Variants in RERE observed in about 807,000 individuals in gnomAD.
RERE encodes the protein arginine-glutamic acid dipeptide repeats protein.
In RERE, 40 loss-of-function variants were observed where a neutral mutation model predicts 146.1. The ratio of observed to expected loss-of-function variants is 0.27; its 90% CI spans 0.21 to 0.36. RERE has a LOEUF of 0.36. Among genes scored for constraint, RERE ranks in the 10% least tolerant of loss-of-function variants. The pLI, the probability that RERE is intolerant of heterozygous loss-of-function variation, is 1.00. For missense variants in RERE, 1,933 were observed against 2,138.7 expected (o/e 0.90, Z 1.90); for synonymous variants, 1,003 against 866.0 (o/e 1.16, Z -2.78).
chr1:8,361,638 G>T, intron 17 of RERE, 125 bp downstream of exon 17: 2 of 1,335,616 alleles, frequency 1.5e-6, no homozygotes, highest in Non-Finnish European at 2.1e-6. Context: ...GACCCAGCCA[G>T]TGTCAAAGGC....
At chr1:8,427,764 G>T (rs1409162073) in intron 11 of RERE, among the ~76,000 whole-genome samples, 4 of 151,836 alleles carry the variant, frequency 2.6e-5, no homozygotes, top group Admixed American at 2.6e-4. Flanking sequence ...CCTTTAGCTT[G>T]TGGTTTACCA....
At position 8,364,658 on chromosome 1, in the gene RERE, C is replaced by T. The variant is rs1284419391; in HGVS notation, c.1540+88G>A. ...ATGTCAAATCAAGTACTGTCCCTGG[C>T]AGGTTTCCAGCTGGATGCATGAAAT... On this transcript the variant is annotated intron_variant, in intron 14 of 22. Transcript: ENST00000400908. The surrounding 1 kb of genome is among the most constrained non-coding windows in gnomAD (Gnocchi z 5.1). The T allele has an allele frequency of 3.3e-6, 3 of 907,678 alleles. No individual in the cohort carries two copies. Among genetic ancestry groups the T allele is most frequent in the South Asian group, 1.3e-5 (1 of 74,112 alleles). 56.2% of individuals were successfully genotyped at this position (907,678 alleles called of 1,614,324 possible).
intron 1 of RERE, among the ~76,000 whole-genome samples, chr1:8,664,861 A>G (rs1391944867): frequency 1.3e-5 from 2 of 152,170 alleles, no homozygotes; most frequent in Non-Finnish European, 2.9e-5. Context: ...CTGAACTCCT[A>G]CAATTATTTT....
In RERE at chr1:8,624,378, A is replaced by G; in HGVS notation, c.328T>C (p.Cys110Arg). The G allele has an allele frequency of 6.2e-7, 1 of 1,607,718 alleles. No individual in the cohort carries two copies. The highest frequency in any genetic ancestry group is 8.5e-7 in the Non-Finnish European group (1 of 1,176,248). Residue 110 changes from cysteine to arginine, a missense_variant and splice_region_variant, in exon 3 of 23, where the codon TGT becomes CGT. Physicochemically the swap from Cys to Arg is radical, Grantham distance 180. Coordinates refer to ENST00000400908, the MANE Select transcript of RERE (RefSeq NM_001042681.2). The part of the protein sequence containing the change: ...EDDVVYRPGD[C>R]VYIESRRPNT... The stretch of plus-strand genomic sequence containing the variant: ...GGCCTCCGACTCTCGATATACACAC[A>G]GTCTTTAAAAGAAAAAGAAATTTTA...
At chr1:8,514,618 C>T (rs1290307397) in intron 7 of RERE, among the ~76,000 whole-genome samples, 1 of 151,980 alleles carries the variant, frequency 6.6e-6, no homozygotes, top group East Asian at 1.9e-4. Flanking sequence ...ATCCTAGCTA[C>T]TCGGGAGGCT....
intron 11 of RERE, chr1:8,465,504 C>T (rs978752166): frequency 3.5e-5 from 12 of 346,760 alleles, no homozygotes; most frequent in African/African-American, 6.4e-5. Flanking sequence ...CTGAGCAACA[C>T]GGCAAAACCC....
chr1:8,575,563 T>A (rs201637261), intron 4 of RERE, among the ~76,000 whole-genome samples: 6,693 of 83,442 alleles, frequency 0.08, 140 homozygotes, highest in East Asian at 0.13. Flanking sequence ...ATATATATAT[T>A]TTTTTTTTTT....
At chr1:8,378,458 A>T (rs922279897) in intron 12 of RERE, among the ~76,000 whole-genome samples, 4 of 152,162 alleles carry the variant, frequency 2.6e-5, no homozygotes, top group African/African-American at 9.7e-5. Flanking sequence ...GGGCCTCTCA[A>T]TGTGACTTTA....
intron 7 of RERE, among the ~76,000 whole-genome samples, chr1:8,539,000 G>C (rs1478395641): frequency 6.6e-6 from 1 of 152,182 alleles, no homozygotes; most frequent in Non-Finnish European, 1.5e-5. Flanking sequence ...CTTTTAATAA[G>C]CATTCAGCAA....
At chr1:8,715,001 A>G (rs1263122000) in intron 1 of RERE, among the ~76,000 whole-genome samples, 1 of 151,544 alleles carries the variant, frequency 6.6e-6, no homozygotes, top group Non-Finnish European at 1.5e-5. Flanking sequence ...AGCCTCCCGA[A>G]TAGCTGGGAC....
intron 4 of RERE, among the ~76,000 whole-genome samples, chr1:8,597,309 G>A (rs546757116): frequency 8.6e-5 from 13 of 151,794 alleles, no homozygotes; most frequent in Non-Finnish European, 1.8e-4. Context: ...GGCTGGTCTC[G>A]AACTCCTGAA....
At chr1:8,494,627 G>A (rs866328214) in intron 10 of RERE, among the ~76,000 whole-genome samples, 19 of 152,198 alleles carry the variant, frequency 1.2e-4, no homozygotes, top group African/African-American at 4.3e-4. Context: ...GGAGGCTGAG[G>A]TAGGAGAACG....
intron 2 of RERE, among the ~76,000 whole-genome samples, chr1:8,650,770 G>A (rs972680661): frequency 7.2e-5 from 11 of 151,960 alleles, no homozygotes; most frequent in African/African-American, 2.4e-4. Flanking sequence ...GGTGGCACGC[G>A]CCTGTAATCC....
intron 1 of RERE, among the ~76,000 whole-genome samples, chr1:8,698,709 G>A (rs757151673): frequency 1.3e-5 from 2 of 151,782 alleles, no homozygotes; most frequent in Non-Finnish European, 2.9e-5. Flanking sequence ...ACAGGGTCTC[G>A]CTATGTTGCC....
chr1:8,716,386 C>G (rs1639765717), intron 1 of RERE, among the ~76,000 whole-genome samples: 1 of 151,852 alleles, frequency 6.6e-6, no homozygotes, highest in Non-Finnish European at 1.5e-5. Flanking sequence ...TGAAGGATCA[C>G]TTGAGCCTGG....
At chr1:8,607,381 T>C (rs780821373) in intron 4 of RERE, among the ~76,000 whole-genome samples, 9 of 147,524 alleles carry the variant, frequency 6.1e-5, no homozygotes, top group Non-Finnish European at 1.0e-4. Flanking sequence ...AAAAAAAAGA[T>C]ATTCCCATCA....
intron 11 of RERE, among the ~76,000 whole-genome samples, chr1:8,452,434 G>T (rs1370833101): frequency 6.6e-6 from 1 of 152,228 alleles, no homozygotes; most frequent in Non-Finnish European, 1.5e-5. Context: ...AAGGTTGGTG[G>T]TAACTCCTGC....
chr1:8,640,277 T>C (rs547413280), intron 2 of RERE, among the ~76,000 whole-genome samples: 1 of 152,166 alleles, frequency 6.6e-6, no homozygotes, highest in African/African-American at 2.4e-5. Flanking sequence ...CTCCCAACTT[T>C]TTTTTTTAAA....
intron 1 of RERE, among the ~76,000 whole-genome samples, chr1:8,660,317 G>C (rs1348572745): frequency 6.6e-6 from 1 of 152,176 alleles, no homozygotes; most frequent in Non-Finnish European, 1.5e-5. Context: ...AAGGGACCCA[G>C]AGAGGAACCA....
Sources: allele counts gnomAD v4.1 joint callset (sites outside exome capture counted in the v4.1 genomes callset), GRCh38; gene constraint gnomAD v4.1.1; non-coding constraint Gnocchi (gnomAD v3.1); transcripts MANE v1.5; gene names NCBI Gene and HGNC (gene_info 2026-07-23, HGNC 2026-07-21).